The following PSD3 variants were observed in gnomAD, a reference collection of about 807,000 sequenced individuals.
PSD3 encodes the protein pleckstrin and Sec7 domain containing 3.
Under a neutral mutation model 105.5 loss-of-function variants are expected in PSD3, and 49 were observed. The observed-to-expected ratio is 0.46, with a 90% CI of 0.37 to 0.59. The LOEUF (loss-of-function observed/expected upper bound fraction) is 0.59. Among genes scored for constraint, PSD3 ranks in the 20% least tolerant of loss-of-function variants. PSD3 has a pLI of 0.00. For synonymous variants in PSD3, 557 were observed against 457.8 expected (o/e 1.22, Z -2.77); for missense variants, 1,561 against 1,263.8 (o/e 1.24, Z -3.57).
Position 19,077,450 on chromosome 8 carries a change from G to T in PSD3, c.324+6756C>A, listed in dbSNP as rs141765475. 3.3e-5 allele frequency among the ~76,000 whole-genome samples: 5 copies of T among 152,202 alleles called. No homozygotes were observed. In the East Asian group the frequency reaches 9.7e-4, roughly 29 times the overall value. ...CCAAAAAACAGTCATAGCTGCTGAT[G>T]ACTTTAGAAGGAAGGAAGGTGGACG... On this transcript the variant is annotated intron_variant, in intron 1 of 1. Coordinates refer to the PSD3 transcript ENST00000521475.
chr8:18,941,190 T>A (rs1230336603), intron 1 of PSD3, among the ~76,000 whole-genome samples: 1 of 152,208 alleles, frequency 6.6e-6, no homozygotes, highest in Non-Finnish European at 1.5e-5. Flanking sequence ...TTTACGAACA[T>A]AAATCTCCTT....
chr8:18,709,425 G>A (rs1165779708), intron 9 of PSD3, among the ~76,000 whole-genome samples: 1 of 152,232 alleles, frequency 6.6e-6, no homozygotes, highest in Non-Finnish European at 1.5e-5. Flanking sequence ...TGCTGGCTCT[G>A]AGGAGTCTGG....
At chr8:18,724,461 C>T (rs1429689825) in intron 9 of PSD3, among the ~76,000 whole-genome samples, 1 of 151,778 alleles carries the variant, frequency 6.6e-6, no homozygotes, top group East Asian at 1.9e-4. Context: ...GAAAATAAAA[C>T]ATGAGCTGTG....
chr8:18,975,832 T>C (rs182384782), intron 1 of PSD3, among the ~76,000 whole-genome samples: 1 of 151,934 alleles, frequency 6.6e-6, no homozygotes, highest in Non-Finnish European at 1.5e-5. Context: ...TAAAAAAAAA[T>C]ACACATTGGC....
chr8:18,806,614 C>T (rs796989557), intron 4 of PSD3, among the ~76,000 whole-genome samples: 2 of 152,278 alleles, frequency 1.3e-5, no homozygotes, highest in Admixed American at 6.5e-5. Context: ...ATATCGTAGG[C>T]GTGCAGGCCA....
At chr8:18,639,295 T>C (rs1807478441) in intron 10 of PSD3, among the ~76,000 whole-genome samples, 1 of 152,116 alleles carries the variant, frequency 6.6e-6, no homozygotes, top group Non-Finnish European at 1.5e-5. Context: ...GCCTGGTTGC[T>C]GTACATCTTT....
intron 15 of PSD3, among the ~76,000 whole-genome samples, chr8:18,541,327 A>G (rs978748130): frequency 6.6e-6 from 1 of 152,034 alleles, no homozygotes; most frequent in Non-Finnish European, 1.5e-5. Flanking sequence ...GGAGGAACAC[A>G]TTTTTCCATA....
intron 9 of PSD3, among the ~76,000 whole-genome samples, chr8:18,675,977 A>G (rs1800043255): frequency 6.6e-6 from 1 of 152,206 alleles, no homozygotes; most frequent in Admixed American, 6.5e-5. Flanking sequence ...ATAGCTTGTC[A>G]CCATACATAT....
At chr8:18,580,654 A>G (rs1316409107) in intron 12 of PSD3, among the ~76,000 whole-genome samples, 4 of 152,198 alleles carry the variant, frequency 2.6e-5, no homozygotes, top group African/African-American at 9.7e-5. Context: ...CCAGAGAATA[A>G]AGATGATTCT....
At chr8:18,594,804 G>A (rs1803968793) in intron 12 of PSD3, among the ~76,000 whole-genome samples, 1 of 151,842 alleles carries the variant, frequency 6.6e-6, no homozygotes, top group African/African-American at 2.4e-5. Flanking sequence ...CTAATAAAAG[G>A]CCTACACATC....
At chr8:18,649,966 G>A (rs1482466240) in intron 10 of PSD3, among the ~76,000 whole-genome samples, 1 of 152,170 alleles carries the variant, frequency 6.6e-6, no homozygotes, top group Admixed American at 6.5e-5. Context: ...ACGGCCTGAA[G>A]ACTGTGAGCC....
chr8:18,767,721 T>C (rs1360172481), intron 8 of PSD3, among the ~76,000 whole-genome samples: 1 of 151,952 alleles, frequency 6.6e-6, no homozygotes, highest in Non-Finnish European at 1.5e-5. Flanking sequence ...CACTCCAGCC[T>C]GGGAAACAAG....
intron 12 of PSD3, among the ~76,000 whole-genome samples, chr8:18,576,162 T>A (rs144787592): frequency 0.01 from 1,563 of 152,220 alleles, 28 homozygotes; most frequent in African/African-American, 0.036. Flanking sequence ...CTTTCATTTA[T>A]CCCCTCCAAA....
At chr8:18,874,792 C>T (rs1476965073) in intron 2 of PSD3, among the ~76,000 whole-genome samples, 1 of 150,690 alleles carries the variant, frequency 6.6e-6, no homozygotes, top group African/African-American at 2.4e-5. Flanking sequence ...ATTACTGATA[C>T]AATTACTAAT....
At chr8:19,011,614 T>G (rs1826952680) in intron 1 of PSD3, among the ~76,000 whole-genome samples, 1 of 152,214 alleles carries the variant, frequency 6.6e-6, no homozygotes, top group Non-Finnish European at 1.5e-5. Flanking sequence ...TTTAAATTAC[T>G]AGTATCTGAT....
At chr8:19,019,834 T>C (rs890054279) in intron 1 of PSD3, among the ~76,000 whole-genome samples, 2 of 151,928 alleles carry the variant, frequency 1.3e-5, no homozygotes, top group Non-Finnish European at 2.9e-5. Flanking sequence ...GTGAGAGGGA[T>C]GGGAGACAAG....
At chr8:18,750,796 G>C (rs901306805) in intron 9 of PSD3, among the ~76,000 whole-genome samples, 1 of 152,146 alleles carries the variant, frequency 6.6e-6, no homozygotes, top group African/African-American at 2.4e-5. Flanking sequence ...GGCCCCACCA[G>C]AGCAGCTAGA....
chr8:18,601,287 C>T (rs192745082), intron 11 of PSD3, among the ~76,000 whole-genome samples: 1 of 152,150 alleles, frequency 6.6e-6, no homozygotes, highest in African/African-American at 2.4e-5. Context: ...TATCTTAATA[C>T]AATTAAAATC....
intron 9 of PSD3, among the ~76,000 whole-genome samples, chr8:18,659,197 T>C (rs191924469): frequency 6.6e-4 from 101 of 152,306 alleles, no homozygotes; most frequent in African/African-American, 2.4e-3. Context: ...GCCTCCCCTA[T>C]TTGTATGTGA....
Sources: allele counts gnomAD v4.1 joint callset (sites outside exome capture counted in the v4.1 genomes callset), GRCh38; gene constraint gnomAD v4.1.1; transcripts MANE v1.5; gene names NCBI Gene and HGNC (gene_info 2026-07-23, HGNC 2026-07-21).